CAST: variants seen among roughly 807,000 people sequenced by gnomAD.
CAST encodes the protein MIR583 host.
A neutral mutation model predicts 119.6 loss-of-function variants in CAST; 76 were observed. The observed-to-expected ratio is 0.64, with a 90% CI of 0.53 to 0.77. The LOEUF is 0.77. Ranked by LOEUF, CAST falls within the 30% of genes least tolerant of loss-of-function variation. The pLI is 0.00. For missense variants in CAST, 953 were observed against 946.5 expected (o/e 1.01, Z -0.09); for synonymous variants, 319 against 331.6 (o/e 0.96, Z 0.41).
At chr5:96,769,531 A>G (rs573134366) in intron 29 of CAST, 1 of 152,040 alleles carries the variant, frequency 6.6e-6, no homozygotes, top group South Asian at 2.1e-4. Context: ...GAAATAATAA[A>G]ATGGTTACTG....
chr5:96,124,820 C>G, the CAST span, among the ~76,000 whole-genome samples: 102 of 152,248 alleles, frequency 6.7e-4, no homozygotes, highest in African/African-American at 2.3e-3. Context: ...AATTTTTTTA[C>G]AGAACTGAGG....
At chr5:96,522,480 A>G (rs1745534085), upstream of CAST, among the ~76,000 whole-genome samples, 2 of 152,208 alleles carry the variant, frequency 1.3e-5, no homozygotes, top group Admixed American at 6.5e-5. Flanking sequence ...GCTGTAGCCT[A>G]TGTCAAGTCC....
intron 1 of CAST, among the ~76,000 whole-genome samples, chr5:96,581,867 G>A (rs1746775354): frequency 6.6e-6 from 1 of 150,972 alleles, no homozygotes; most frequent in South Asian, 2.1e-4. Context: ...CTCCAGCCTG[G>A]GCGACAGAGC....
At chr5:96,296,717 G>T in the CAST span, among the ~76,000 whole-genome samples, 1 of 152,142 alleles carries the variant, frequency 6.6e-6, no homozygotes, top group African/African-American at 2.4e-5. Flanking sequence ...CCTAGTTGCT[G>T]GTTGTGTTAA....
At chr5:96,050,561 A>T in the CAST span, among the ~76,000 whole-genome samples, 1 of 152,232 alleles carries the variant, frequency 6.6e-6, no homozygotes, top group African/African-American at 2.4e-5. Flanking sequence ...GATCATCTCA[A>T]TAGTCTGTGA....
chr5:96,517,551 A>G, the CAST span, among the ~76,000 whole-genome samples: 1 of 152,214 alleles, frequency 6.6e-6, no homozygotes, highest in Non-Finnish European at 1.5e-5. Flanking sequence ...TTTGGGAAGG[A>G]GGATACATAA....
chr5:96,143,079 C>T, the CAST span, among the ~76,000 whole-genome samples: 5 of 152,202 alleles, frequency 3.3e-5, no homozygotes, highest in Non-Finnish European at 5.9e-5. Flanking sequence ...TTCTTTCTTC[C>T]GACTTCAACA....
chr5:96,642,150 CTT>C (rs1170659292), intron 1 of CAST, among the ~76,000 whole-genome samples: 1 of 152,176 alleles, frequency 6.6e-6, no homozygotes, highest in African/African-American at 2.4e-5. Context: ...CCTGATTTCT[CTT>C]TGTTTCCTTA....
chr5:96,043,723 T>C, the CAST span, among the ~76,000 whole-genome samples: 1 of 152,214 alleles, frequency 6.6e-6, no homozygotes. Flanking sequence ...CCATTCTGTA[T>C]AGACTTCCCT....
rs1447486511 is a variant in CAST at position 96,736,236 on chromosome 5, G to C, written c.695G>C (p.Gly232Ala). The C allele has an allele frequency of 6.2e-7, 1 of 1,601,200 alleles. No homozygotes were observed. Among genetic ancestry groups the C allele is most frequent in the South Asian group, 1.1e-5 (1 of 90,640 alleles). The change falls in exon 10 of 32, where the codon GGA becomes GCA. Residue 232 changes from glycine to alanine, a missense_variant. Transcript: ENST00000675179. ...PVESKPDKPS[G>A]KSGMDAALDD... ...GAATCTAAACCGGATAAACCATCGG[G>C]AAAGGTATGAAGACAACAGTGTCCT...
At chr5:96,251,959 T>G in the CAST span, among the ~76,000 whole-genome samples, 9 of 152,162 alleles carry the variant, frequency 5.9e-5, no homozygotes, top group African/African-American at 2.2e-4. Context: ...ATTGAAATCC[T>G]GTAAACTCAT....
the CAST span, among the ~76,000 whole-genome samples, chr5:96,443,194 G>A: frequency 6.6e-6 from 1 of 152,130 alleles, no homozygotes; most frequent in Non-Finnish European, 1.5e-5. Context: ...TAAGGCTCTG[G>A]CCCTCTCACC....
the CAST span, among the ~76,000 whole-genome samples, chr5:96,060,368 A>T: frequency 6.6e-6 from 1 of 152,134 alleles, no homozygotes; most frequent in Non-Finnish European, 1.5e-5. Flanking sequence ...AAAGATCCAC[A>T]TGCTATAGAT....
chr5:96,209,679 G>A, the CAST span, among the ~76,000 whole-genome samples: 7 of 112,504 alleles, frequency 6.2e-5, no homozygotes, highest in Admixed American at 6.7e-4. Context: ...CTTCTGGCAT[G>A]TAGGATTTCT....
intron 25 of CAST, 39 bp downstream of exon 25, chr5:96,762,411 C>G: frequency 7.0e-7 from 1 of 1,425,026 alleles, no homozygotes; most frequent in South Asian, 1.3e-5. Context: ...AATGTTTTTG[C>G]GCAGCCACAA....
At chr5:96,155,047 A>G in the CAST span, among the ~76,000 whole-genome samples, 2 of 152,134 alleles carry the variant, frequency 1.3e-5, no homozygotes, top group Non-Finnish European at 2.9e-5. Context: ...TGGGAGATGG[A>G]TCTCTTTTTC....
chr5:96,684,097 C>T (rs1159787771), intron 2 of CAST, among the ~76,000 whole-genome samples: 1 of 152,180 alleles, frequency 6.6e-6, no homozygotes, highest in Non-Finnish European at 1.5e-5. Flanking sequence ...ATTCCCAGCT[C>T]TGCTAATTCC....
the CAST span, among the ~76,000 whole-genome samples, chr5:96,199,947 A>T: frequency 6.6e-6 from 1 of 152,116 alleles, no homozygotes; most frequent in Non-Finnish European, 1.5e-5. Flanking sequence ...TTAAAGTACA[A>T]CTTAGTCTAG....
chr5:96,014,641 T>C, the CAST span, among the ~76,000 whole-genome samples: 1 of 152,126 alleles, frequency 6.6e-6, no homozygotes. Flanking sequence ...TCAACTTCAT[T>C]ATAATCTTAT....
Sources: allele counts gnomAD v4.1 joint callset (sites outside exome capture counted in the v4.1 genomes callset), GRCh38; gene constraint gnomAD v4.1.1; transcripts MANE v1.5; gene names NCBI Gene and HGNC (gene_info 2026-07-23, HGNC 2026-07-21).